The following SLC25A26 variants were observed in gnomAD, a reference collection of about 807,000 sequenced individuals.
SLC25A26 encodes solute carrier family 25 member 26.
SLC25A26 carries 36 observed loss-of-function variants against 37.8 expected under a neutral mutation model. That is an observed-to-expected ratio of 0.95 (90% CI 0.73 to 1.26). The LOEUF (loss-of-function observed/expected upper bound fraction) is 1.26, where lower values mean the gene tolerates loss of function less well. SLC25A26 is among the 50% of genes most tolerant of loss of function. The probability of loss-of-function intolerance (pLI) is 0.00; values close to 1 mark genes in which losing one functional copy is unlikely to be tolerated. For missense variants in SLC25A26, 390 were observed against 331.1 expected, an observed-to-expected ratio of 1.18 and a Z score of -1.38; for synonymous variants, 129 against 122.5, an observed-to-expected ratio of 1.05 and a Z score of -0.35.
intron 6 of SLC25A26, among the ~76,000 whole-genome samples, chr3:66,347,983 A>AG (rs1455010589): frequency 2.0e-5 from 3 of 152,134 alleles, no homozygotes; most frequent in Non-Finnish European, 4.4e-5. Flanking sequence ...TGTGGGGTGC[A>AG]GGGGGAAGGA....
At chr3:66,212,275 T>C (rs940674642) in intron 1 of SLC25A26, among the ~76,000 whole-genome samples, 150,918 of 152,118 alleles carry the variant, frequency 0.99, 74,872 homozygotes, top group East Asian at 1. Flanking sequence ...CCATGCCTGG[T>C]TAATAAATTT....
intron 9 of SLC25A26, among the ~76,000 whole-genome samples, chr3:66,374,550 G>C (rs558833964): frequency 6.6e-6 from 1 of 152,152 alleles, no homozygotes; most frequent in Non-Finnish European, 1.5e-5. Context: ...TGGCCTCTAA[G>C]TGTTGAAGTG....
intron 1 of SLC25A26, among the ~76,000 whole-genome samples, chr3:66,201,573 C>T (rs1300727391): frequency 2.6e-5 from 4 of 152,052 alleles, no homozygotes; most frequent in African/African-American, 4.8e-5. Flanking sequence ...TGGGCCCAAT[C>T]GAGCTGTCCA....
At chr3:66,316,058 C>G (rs796831914) in intron 5 of SLC25A26, among the ~76,000 whole-genome samples, 34 of 152,288 alleles carry the variant, frequency 2.2e-4, no homozygotes, top group African/African-American at 7.5e-4. Context: ...GATCTTGACT[C>G]TTTACTCCAG....
At chr3:66,190,322 AAAAGAAAAAAAG>A (rs1445602590) in intron 1 of SLC25A26, among the ~76,000 whole-genome samples, 1 of 151,846 alleles carries the variant, frequency 6.6e-6, no homozygotes, top group Non-Finnish European at 1.5e-5. Context: ...CAAAAAAAAA[AAAAGAAAAAAAG>A]AAAAGAAAGA....
chr3:66,183,465 C>G (rs1464663522), intron 1 of SLC25A26, among the ~76,000 whole-genome samples: 2 of 152,018 alleles, frequency 1.3e-5, no homozygotes, highest in African/African-American at 2.4e-5. Flanking sequence ...TGTCCCCGAA[C>G]ATATGGCCCT....
intron 5 of SLC25A26, among the ~76,000 whole-genome samples, chr3:66,282,080 C>T (rs2074364359): frequency 6.9e-6 from 1 of 145,358 alleles, no homozygotes; most frequent in Non-Finnish European, 1.5e-5. Context: ...GGCGCAATCT[C>T]GGCTCACTGC....
At chr3:66,134,293 C>T (rs763787911) in intron 1 of SLC25A26, among the ~76,000 whole-genome samples, 6 of 152,208 alleles carry the variant, frequency 3.9e-5, no homozygotes, top group Non-Finnish European at 5.9e-5. Context: ...CCATTAATTA[C>T]TGAACATAAA....
At chr3:66,167,983 G>A (rs1249647635) in intron 1 of SLC25A26, among the ~76,000 whole-genome samples, 4 of 151,772 alleles carry the variant, frequency 2.6e-5, no homozygotes, top group East Asian at 3.9e-4. Context: ...GAGAAAGCCC[G>A]TCTCTACTAA....
At chr3:66,324,206 G>A (rs193117405) in intron 5 of SLC25A26, 160 of 152,652 alleles carry the variant, frequency 1.0e-3, no homozygotes, top group Middle Eastern at 6.6e-3. Flanking sequence ...GTGTGTGTGT[G>A]TGTGTGTGTG....
chr3:66,163,493 T>A (rs922170413), intron 1 of SLC25A26, among the ~76,000 whole-genome samples: 1 of 152,200 alleles, frequency 6.6e-6, no homozygotes, highest in African/African-American at 2.4e-5. Context: ...CAAGATCACA[T>A]TTATTTCATC....
chr3:66,182,135 T>C (rs950050454), intron 1 of SLC25A26, among the ~76,000 whole-genome samples: 1 of 152,124 alleles, frequency 6.6e-6, no homozygotes, highest in African/African-American at 2.4e-5. Flanking sequence ...GGGTCCGTGG[T>C]GGAGCAGATA....
chr3:66,335,471 C>G (rs1272211653), intron 5 of SLC25A26, among the ~76,000 whole-genome samples: 1 of 152,118 alleles, frequency 6.6e-6, no homozygotes, highest in East Asian at 1.9e-4. Context: ...GTATTCTGCT[C>G]TCAACACACT....
At position 66,369,041 on chromosome 3, in the gene SLC25A26, AAACAAAAACAAAAAAAAAAAAC is replaced by A. The variant is rs1280058491; in HGVS notation, c.569-434_569-413del. ...CTGTCTTTTCAAAAAAAAAAAAAAA[AAACAAAAACAAAAAAAAAAAAC>A]AAAAGACAGTGGCCTATAGAAAGTC... is the stretch of plus-strand genomic sequence containing the variant. On this transcript the variant is annotated intron_variant, in intron 7 of 9. Coordinates refer to ENST00000354883, the MANE Select transcript of SLC25A26 (RefSeq NM_001379210.1). 1.5e-3 allele frequency among the ~76,000 whole-genome samples: 39 copies of A among 25,792 alleles called. 1 individual carries two copies. The highest frequency in any genetic ancestry group is 9.5e-3 in the African/African-American group (34 of 3,570). 16.9% of individuals were successfully genotyped at this position (25,792 alleles called of 152,430 possible).
chr3:66,195,279 C>A (rs1158195073), intron 1 of SLC25A26, among the ~76,000 whole-genome samples: 1 of 152,198 alleles, frequency 6.6e-6, no homozygotes, highest in Non-Finnish European at 1.5e-5. Context: ...TTGACCCTGT[C>A]CTGTGCTGAT....
intron 5 of SLC25A26, among the ~76,000 whole-genome samples, chr3:66,301,001 A>G (rs923570124): frequency 6.6e-6 from 1 of 152,300 alleles, no homozygotes; most frequent in South Asian, 2.1e-4. Context: ...TTATGTCTCA[A>G]TAAAGTCTAT....
chr3:66,237,131 G>C (rs913039689), intron 2 of SLC25A26, among the ~76,000 whole-genome samples: 1 of 152,152 alleles, frequency 6.6e-6, no homozygotes, highest in African/African-American at 2.4e-5. Context: ...ATGAGCCACT[G>C]TGCTGGGCCT....
At chr3:66,330,680 A>G (rs1430726291) in intron 5 of SLC25A26, among the ~76,000 whole-genome samples, 1 of 151,834 alleles carries the variant, frequency 6.6e-6, no homozygotes, top group Non-Finnish European at 1.5e-5. Context: ...TTGTCAGAAT[A>G]CACGAAGTTT....
intron 1 of SLC25A26, among the ~76,000 whole-genome samples, chr3:66,223,643 A>G (rs2071603656): frequency 6.6e-6 from 1 of 152,192 alleles, no homozygotes; most frequent in Admixed American, 6.5e-5. Context: ...AAAAGCCTAG[A>G]TGATTGCTGA....
Sources: gnomAD v4.1 joint callset for allele counts (sites outside exome capture counted in the v4.1 genomes callset) on GRCh38, gnomAD v4.1.1 for gene constraint, MANE v1.5 for transcripts, NCBI Gene and HGNC (gene_info 2026-07-23, HGNC 2026-07-21) for gene names.